SGCD: variants seen among roughly 807,000 people sequenced by gnomAD.
SGCD encodes the protein sarcoglycan delta.
SGCD carries 18 observed loss-of-function variants against 36.6 expected under a neutral mutation model. That is an observed-to-expected ratio of 0.49 (90% CI 0.34 to 0.73). SGCD has a LOEUF of 0.73. Ranked by LOEUF, SGCD falls within the 30% of genes least tolerant of loss-of-function variation. The pLI, the probability that SGCD is intolerant of heterozygous loss-of-function variation, is 0.01. For synonymous variants in SGCD, 133 were observed against 130.6 expected (o/e 1.02, Z -0.12); for missense variants, 387 against 346.7 (o/e 1.12, Z -0.92).
chr5:156,578,125 G>C (rs531372812), intron 4 of SGCD, among the ~76,000 whole-genome samples: 40 of 152,198 alleles, frequency 2.6e-4, no homozygotes, highest in African/African-American at 7.7e-4. Context: ...TAGCATGAAG[G>C]GCTGTTGAAT....
chr5:155,777,145 A>G, the SGCD span, among the ~76,000 whole-genome samples: 1 of 152,146 alleles, frequency 6.6e-6, no homozygotes, highest in Non-Finnish European at 1.5e-5. Flanking sequence ...GCAGCCTTAA[A>G]TTCTGGAACA....
chr5:156,576,083 C>G lies in SGCD; in HGVS notation c.295-13148C>G, dbSNP rs181038496. 7.3e-3 allele frequency among the ~76,000 whole-genome samples: 1,104 copies of G among 151,964 alleles called. 13 individuals carry two copies. Among genetic ancestry groups the G allele is most frequent in the African/African-American group, 0.025 (1,035 of 41,422 alleles). ...ATGCTATTCCTCCCCCTGCCCCCCACCCCACAATAGACCCCGGGGTGTGAT... is the reference window on the plus strand; with the variant it reads ...ATGCTATTCCTCCCCCTGCCCCCCAGCCCACAATAGACCCCGGGGTGTGAT... On this transcript the variant is annotated intron_variant, in intron 4 of 8. Coordinates refer to ENST00000337851, the MANE Select transcript of SGCD (RefSeq NM_000337.6).
At chr5:156,739,573 C>G (rs1756559462) in intron 7 of SGCD, 1 of 152,144 alleles carries the variant, frequency 6.6e-6, no homozygotes, top group African/African-American at 2.4e-5. Context: ...GCTGGAGGAT[C>G]TGTCAAATAT....
Position 156,307,968 on chromosome 5 carries a change from A to T in SGCD, c.-43-21566A>T, listed in dbSNP as rs180708837. On this transcript the variant is annotated intron_variant, in intron 3 of 9. Coordinates refer to the SGCD transcript ENST00000517913. ...ACACTAGCTTTTATACTAATTTTTT[A>T]AAAAAATATATTATTTTCCTAAATC... 8.2e-3 allele frequency among the ~76,000 whole-genome samples: 1,092 copies of T among 133,576 alleles called. 15 individuals are homozygous for T. The highest frequency in any genetic ancestry group is 0.018 in the African/African-American group (735 of 40,294). The allele number at this position is 133,576 out of a possible 152,430, so 87.6% of individuals were successfully genotyped here.
intron 2 of SGCD, among the ~76,000 whole-genome samples, chr5:156,336,533 A>T (rs1554094186): frequency 6.6e-6 from 1 of 151,592 alleles, no homozygotes; most frequent in Non-Finnish European, 1.5e-5. Context: ...CAGTCTAGCT[A>T]TTTTTTTTTA....
At chr5:155,736,424 G>T in the SGCD span, among the ~76,000 whole-genome samples, 1 of 152,152 alleles carries the variant, frequency 6.6e-6, no homozygotes, top group Non-Finnish European at 1.5e-5. Context: ...GTATCTAAGG[G>T]TCAAGTGCAA....
At chr5:156,328,942 C>A (rs959635055) in intron 1 of SGCD, among the ~76,000 whole-genome samples, 4 of 152,060 alleles carry the variant, frequency 2.6e-5, no homozygotes, top group South Asian at 4.1e-4. Context: ...AAAAAGGGAG[C>A]CTTCCATGAG....
chr5:156,391,455 A>G (rs896567234), intron 3 of SGCD, among the ~76,000 whole-genome samples: 2 of 152,232 alleles, frequency 1.3e-5, no homozygotes, highest in Non-Finnish European at 2.9e-5. Flanking sequence ...AATCAACCAC[A>G]GATAGAAAGT....
intron 3 of SGCD, among the ~76,000 whole-genome samples, chr5:156,482,039 A>T (rs1355970996): frequency 6.6e-6 from 1 of 152,160 alleles, no homozygotes; most frequent in African/African-American, 2.4e-5. Flanking sequence ...CCTTTCCCAC[A>T]TCTGTGCCTG....
At chr5:155,805,358 G>C in the SGCD span, among the ~76,000 whole-genome samples, 1 of 152,208 alleles carries the variant, frequency 6.6e-6, no homozygotes, top group Non-Finnish European at 1.5e-5. Context: ...TAGTTTTAAG[G>C]AAGAGGAGCC....
intron 3 of SGCD, among the ~76,000 whole-genome samples, chr5:156,137,792 A>G (rs1762493546): frequency 6.6e-6 from 1 of 152,290 alleles, no homozygotes; most frequent in East Asian, 1.9e-4. Context: ...CTGCCTGCCA[A>G]ATATGGGTGG....
chr5:156,530,731 C>T (rs1241607522), intron 4 of SGCD, among the ~76,000 whole-genome samples: 2 of 152,110 alleles, frequency 1.3e-5, no homozygotes, highest in Non-Finnish European at 2.9e-5. Flanking sequence ...AGGCATGCAC[C>T]ACCGTGCCCA....
rs1309916663 is a variant in SGCD at position 156,595,959 on chromosome 5, C to A, written c.502+908C>A. On this transcript the variant is annotated intron_variant, in intron 6 of 8. Coordinates refer to ENST00000337851, the MANE Select transcript of SGCD (RefSeq NM_000337.6). The stretch of plus-strand genomic sequence containing the variant: ...TGATCTAGCATGGTGATTTAAGGAT[C>A]CTAGAACTCCAGCTGACCGGGTTTT... Among the ~76,000 whole-genome samples the A allele has an allele frequency of 2.0e-5, 3 of 152,114 alleles. No individual in the cohort carries two copies. The East Asian group carries it at 5.8e-4, about 29-fold the overall frequency.
intron 1 of SGCD, among the ~76,000 whole-genome samples, chr5:155,878,060 G>A (rs989893229): frequency 6.6e-6 from 1 of 152,020 alleles, no homozygotes; most frequent in African/African-American, 2.4e-5. Flanking sequence ...CCATTAGTGT[G>A]GGTGACTGCA....
intron 1 of SGCD, among the ~76,000 whole-genome samples, chr5:156,022,761 T>G (rs1759134778): frequency 6.8e-6 from 1 of 146,242 alleles, no homozygotes; most frequent in African/African-American, 2.8e-5. Context: ...TGCCTTTTCT[T>G]TTTTCTTTTC....
Position 156,341,550 on chromosome 5 carries a change from G to A in SGCD, c.4-2939G>A, listed in dbSNP as rs139832586. 4.2e-3 allele frequency among the ~76,000 whole-genome samples: 631 copies of A among 151,996 alleles called. 4 individuals carry two copies. The Middle Eastern group carries it at 0.054, about 13-fold the overall frequency. On this transcript the variant is annotated intron_variant, in intron 2 of 8. Transcript: ENST00000337851. ...ATTTGTTCAGTTTCTTTTGTGTTTC[G>A]GTGCATAATTAGGGTTGAGTGGCAT...
intron 7 of SGCD, among the ~76,000 whole-genome samples, chr5:156,740,540 A>G (rs747060443): frequency 1.3e-5 from 2 of 152,270 alleles, no homozygotes; most frequent in Non-Finnish European, 2.9e-5. Flanking sequence ...ACACAGAAGT[A>G]TAATGGGCCC....
At chr5:156,321,138 G>A (rs908430792) in intron 3 of SGCD, among the ~76,000 whole-genome samples, 3 of 152,048 alleles carry the variant, frequency 2.0e-5, no homozygotes, top group Admixed American at 6.6e-5. Context: ...AAACAAAAAC[G>A]GCTGGGCGCA....
intron 3 of SGCD, among the ~76,000 whole-genome samples, chr5:156,166,838 A>C (rs533534353): frequency 2.2e-4 from 34 of 152,340 alleles, no homozygotes; most frequent in Non-Finnish European, 4.9e-4. Flanking sequence ...TAGAAATAGC[A>C]GTGCTTCCTT....
Sources: allele counts gnomAD v4.1 joint callset (sites outside exome capture counted in the v4.1 genomes callset), GRCh38; gene constraint gnomAD v4.1.1; transcripts MANE v1.5; gene names NCBI Gene and HGNC (gene_info 2026-07-23, HGNC 2026-07-21).